ARHGEF3: variants seen among roughly 807,000 people sequenced by gnomAD.
ARHGEF3 encodes the protein 59.8 kDA protein.
Under a neutral mutation model 63.2 loss-of-function variants are expected in ARHGEF3, and 28 were observed. The ratio of observed to expected loss-of-function variants is 0.44; its 90% CI spans 0.33 to 0.61. The LOEUF (loss-of-function observed/expected upper bound fraction) is 0.61. Ranked by LOEUF, ARHGEF3 falls within the 20% of genes least tolerant of loss-of-function variation. The pLI is 0.03. For synonymous variants in ARHGEF3, 266 were observed against 254.2 expected, an observed-to-expected ratio of 1.05 and a Z score of -0.44; for missense variants, 533 against 659.3, an observed-to-expected ratio of 0.81 and a Z score of 2.10.
intron 2 of ARHGEF3, among the ~76,000 whole-genome samples, chr3:56,966,791 G>A (rs1206174222): frequency 6.6e-6 from 1 of 151,920 alleles, no homozygotes; most frequent in Admixed American, 6.6e-5. Context: ...GGGAGTCATA[G>A]GTGTCCACTG....
chr3:57,031,936 G>A (rs545289511), intron 2 of ARHGEF3, among the ~76,000 whole-genome samples: 7 of 152,256 alleles, frequency 4.6e-5, no homozygotes, highest in African/African-American at 1.7e-4. Flanking sequence ...ATGAATCTAT[G>A]ATTTCTTCTG....
intron 4 of ARHGEF3, among the ~76,000 whole-genome samples, chr3:56,834,673 G>C (rs1173336280): frequency 6.7e-6 from 1 of 149,990 alleles, no homozygotes. Context: ...AGAGCTGCTT[G>C]AACCCGGGAA....
chr3:56,810,743 C>T (rs2038033443), intron 4 of ARHGEF3, among the ~76,000 whole-genome samples: 1 of 152,168 alleles, frequency 6.6e-6, no homozygotes, highest in Non-Finnish European at 1.5e-5. Flanking sequence ...CCAGAGACCA[C>T]CTGCTGTGAA....
chr3:57,025,342 A>G (rs11922193), intron 2 of ARHGEF3, among the ~76,000 whole-genome samples: 1 of 151,926 alleles, frequency 6.6e-6, no homozygotes, highest in Non-Finnish European at 1.5e-5. Flanking sequence ...TGACACAATG[A>G]TCCACGATTT....
At chr3:56,765,493 C>T (rs2035653543) in intron 2 of ARHGEF3, among the ~76,000 whole-genome samples, 1 of 152,140 alleles carries the variant, frequency 6.6e-6, no homozygotes, top group Non-Finnish European at 1.5e-5. Flanking sequence ...AAATTTATGA[C>T]CTTGGACCAA....
At position 56,738,307 on chromosome 3, in the gene ARHGEF3, G is replaced by A. The variant is rs1052041490; in HGVS notation, c.871-952C>T. Among the ~76,000 whole-genome samples the A allele has an allele frequency of 2.0e-5, 3 of 152,066 alleles. No individual in the cohort carries two copies. The East Asian group carries it at 5.8e-4, about 30-fold the overall frequency. On this transcript the variant is annotated intron_variant, in intron 7 of 9. Transcript: ENST00000296315. ...CCTGCCTCAGCCTCCCAAAGTGCTGGGATTACAAGTGTGAGCCACTGCGCC... is the reference window on the plus strand; with the variant it reads ...CCTGCCTCAGCCTCCCAAAGTGCTGAGATTACAAGTGTGAGCCACTGCGCC...
chr3:56,836,664 G>A (rs1334340089), intron 4 of ARHGEF3, among the ~76,000 whole-genome samples: 4 of 152,198 alleles, frequency 2.6e-5, no homozygotes, highest in East Asian at 1.9e-4. Flanking sequence ...AGTAGCTTAC[G>A]CCTGTAGTCC....
rs1477365859 is a variant in ARHGEF3, at chr3:56,968,094, TA to T, written c.63-9206del. Among the ~76,000 whole-genome samples, 81 of 54,434 alleles carry T rather than the reference TA, an allele frequency of 1.5e-3. 3 individuals are homozygous for T. Among genetic ancestry groups the T allele is most frequent in the Non-Finnish European group, 2.3e-3 (72 of 31,356 alleles). 35.7% of individuals were successfully genotyped at this position (54,434 alleles called of 152,430 possible). ...TAATATATTATATATTTATTATACA[TA>T]AAATATATATTGTATATAATATATA... On this transcript the variant is annotated intron_variant, in intron 2 of 12. Transcript: ENST00000338458.
At chr3:56,806,071 G>A (rs550581570), upstream of ARHGEF3, among the ~76,000 whole-genome samples, 86 of 152,190 alleles carry the variant, frequency 5.7e-4, no homozygotes, top group Middle Eastern at 3.4e-3. Context: ...TCAGTATATA[G>A]GTTAAGGTCA....
intron 2 of ARHGEF3, among the ~76,000 whole-genome samples, chr3:56,995,703 C>T (rs1248878024): frequency 4.3e-5 from 6 of 139,766 alleles, no homozygotes; most frequent in Non-Finnish European, 6.1e-5. Flanking sequence ...AATTTGAGAC[C>T]CCAGTAGAGA....
At chr3:57,033,996 GATTGCACC>G (rs1703844235) in intron 2 of ARHGEF3, among the ~76,000 whole-genome samples, 1 of 152,014 alleles carries the variant, frequency 6.6e-6, no homozygotes, top group Admixed American at 6.5e-5. Context: ...AGTGAGCTGA[GATTGCACC>G]ATTGCACTCT....
chr3:56,816,050 C>A (rs2038258713), intron 4 of ARHGEF3, among the ~76,000 whole-genome samples: 1 of 152,050 alleles, frequency 6.6e-6, no homozygotes, highest in African/African-American at 2.4e-5. Context: ...CCTGTCTGTA[C>A]ACAAAATGTA....
At chr3:56,946,692 A>G (rs373083637) in intron 3 of ARHGEF3, among the ~76,000 whole-genome samples, 1 of 152,162 alleles carries the variant, frequency 6.6e-6, no homozygotes, top group Admixed American at 6.5e-5. Flanking sequence ...AACCAAGTTG[A>G]AAAACACTCT....
At chr3:56,784,307 G>A (rs974571019) in intron 1 of ARHGEF3, among the ~76,000 whole-genome samples, 1 of 152,160 alleles carries the variant, frequency 6.6e-6, no homozygotes, top group Non-Finnish European at 1.5e-5. Flanking sequence ...TGCATTTTTG[G>A]CAAGAATGCC....
At chr3:56,974,859 T>C (rs1701060509) in intron 2 of ARHGEF3, among the ~76,000 whole-genome samples, 1 of 152,168 alleles carries the variant, frequency 6.6e-6, no homozygotes. Context: ...TTTCTAAAGT[T>C]TTGCCTGGGG....
chr3:56,828,846 A>G (rs1346874692), intron 4 of ARHGEF3, among the ~76,000 whole-genome samples: 1 of 152,174 alleles, frequency 6.6e-6, no homozygotes, highest in African/African-American at 2.4e-5. Flanking sequence ...AAAGTTAAAG[A>G]GATCCCTTGT....
intron 3 of ARHGEF3, among the ~76,000 whole-genome samples, chr3:56,893,208 C>T (rs530517600): frequency 3.3e-5 from 5 of 152,146 alleles, no homozygotes; most frequent in African/African-American, 1.2e-4. Flanking sequence ...GATAGGGTCT[C>T]ACTCTGCCAC....
At chr3:57,062,648 GC>G (rs1366978450) in intron 1 of ARHGEF3, among the ~76,000 whole-genome samples, 27 of 152,260 alleles carry the variant, frequency 1.8e-4, no homozygotes, top group Non-Finnish European at 3.5e-4. Context: ...TGTTTAACAA[GC>G]AGGAATATCT....
Position 56,796,263 on chromosome 3 carries a change from C to A in ARHGEF3, c.96+5440G>T, listed in dbSNP as rs557010991. 6.7e-4 allele frequency among the ~76,000 whole-genome samples: 102 copies of A among 152,282 alleles called. 2 individuals are homozygous for A. Among genetic ancestry groups the A allele is most frequent in the Non-Finnish European group, 2.9e-4 (20 of 68,020 alleles). ...CTTTCAGTAGTTATGAAAACGGTGG[C>A]ATCTGTCCAGGATTTTTACGGGCAA... On this transcript the variant is annotated intron_variant, in intron 1 of 9. Coordinates refer to ENST00000296315, the MANE Select transcript of ARHGEF3 (RefSeq NM_019555.3).
Sources: allele counts gnomAD v4.1 joint callset (sites outside exome capture counted in the v4.1 genomes callset), GRCh38; gene constraint gnomAD v4.1.1; transcripts MANE v1.5; gene names NCBI Gene and HGNC (gene_info 2026-07-23, HGNC 2026-07-21).